Variants in SLC35D2 observed in about 807,000 individuals in gnomAD.
SLC35D2 encodes solute carrier family 35 member D2.
In SLC35D2, 43 loss-of-function variants were observed where a neutral mutation model predicts 41.8. The ratio of observed to expected loss-of-function variants is 1.03; its 90% CI spans 0.81 to 1.33. SLC35D2 has a LOEUF of 1.33. Ranked by LOEUF, SLC35D2 falls within the 40% of genes most tolerant of loss-of-function variation. The probability of loss-of-function intolerance (pLI) is 0.00; values close to 1 mark genes in which losing one functional copy is unlikely to be tolerated. For synonymous variants in SLC35D2, 150 were observed against 163.9 expected (o/e 0.92, Z 0.65); for missense variants, 380 against 408.4 (o/e 0.93, Z 0.60).
exon 12 of SLC35D2, among the ~76,000 whole-genome samples, chr9:96,313,700 T>C (rs1204661212): frequency 6.6e-6 from 1 of 152,230 alleles, no homozygotes; most frequent in East Asian, 1.9e-4. Context: ...AGACCAGACA[T>C]CTTTTTGGGC....
intron 9 of SLC35D2, among the ~76,000 whole-genome samples, chr9:96,331,774 G>A (rs1828821082): frequency 6.6e-6 from 1 of 152,186 alleles, no homozygotes; most frequent in Non-Finnish European, 1.5e-5. Context: ...AGCAAAAGGT[G>A]AGCAAGCATG....
At chr9:96,348,515 G>A (rs996142972) in intron 6 of SLC35D2, among the ~76,000 whole-genome samples, 2 of 152,192 alleles carry the variant, frequency 1.3e-5, no homozygotes, top group African/African-American at 4.8e-5. Flanking sequence ...GTTTGTTACA[G>A]CAGCATCACC....
Position 96,351,169 on chromosome 9 carries a change from T to G in SLC35D2, c.422A>C (p.Lys141Thr), listed in dbSNP as rs754209521. 6.3e-7 allele frequency: 1 copy of G among 1,599,002 alleles called. No individual in the cohort carries two copies. The highest frequency in any genetic ancestry group is 1.1e-5 in the South Asian group (1 of 90,764). ...TLLLETIILG[K>T]QYSLNIILSV... is the part of the protein sequence containing the mutation. ...GAGGATGATGTTGAGTGAATACTGC[T>G]TCCTGTAATAAATACACAAATAAGA... is the stretch of plus-strand genomic sequence containing the variant. Residue 141 changes from lysine (K) to threonine (T), a missense_variant and splice_region_variant, in exon 6 of 12, where the codon AAG becomes ACG. Lys to Thr is a moderately conservative substitution (Grantham distance 78, BLOSUM62 -1). Coordinates refer to ENST00000253270, the MANE Select transcript of SLC35D2 (RefSeq NM_007001.3).
intron 9 of SLC35D2, among the ~76,000 whole-genome samples, chr9:96,328,795 C>T (rs1012462460): frequency 3.3e-5 from 5 of 152,166 alleles, no homozygotes; most frequent in Admixed American, 2.0e-4. Flanking sequence ...TACCCAAGCA[C>T]ATCATTCTCT....
chr9:96,364,032 T>C (rs756516023), intron 3 of SLC35D2, among the ~76,000 whole-genome samples: 53 of 152,208 alleles, frequency 3.5e-4, no homozygotes, highest in Non-Finnish European at 4.6e-4. Context: ...TTAAAGTTTC[T>C]TGGCCAGGCA....
At chr9:96,353,097 A>G (rs955380454) in intron 4 of SLC35D2, among the ~76,000 whole-genome samples, 3 of 152,170 alleles carry the variant, frequency 2.0e-5, no homozygotes, top group African/African-American at 2.4e-5. Flanking sequence ...CAAAAGAAAA[A>G]AAAACCACAT....
chr9:96,319,926 T>C (rs1471269688), downstream of SLC35D2, among the ~76,000 whole-genome samples: 2 of 152,238 alleles, frequency 1.3e-5, no homozygotes, highest in African/African-American at 2.4e-5. Flanking sequence ...ATTAAAATAC[T>C]AGAGGCCACA....
In SLC35D2 at chr9:96,380,733, G is replaced by A. The variant is rs140095212; in HGVS notation, c.158+2744C>T. ...CATGATCTGCCCACCTCAGGCTCCC[G>A]AAGTGCTGGGATTACAGGTGTGAGC... On this transcript the variant is annotated intron_variant, in intron 1 of 11. Coordinates refer to ENST00000253270, the MANE Select transcript of SLC35D2 (RefSeq NM_007001.3). Among the ~76,000 whole-genome samples the A allele has an allele frequency of 2.5e-4, 38 of 151,456 alleles. No homozygotes were observed. In the East Asian group the frequency reaches 5.1e-3, roughly 20 times the overall value.
chr9:96,364,542 G>A lies in SLC35D2; in HGVS notation c.201C>T (p.Ala67=), dbSNP rs752673416. 1 of 1,599,684 alleles carries A rather than the reference G, an allele frequency of 6.3e-7. No homozygotes were observed. Among genetic ancestry groups the A allele is most frequent in the Non-Finnish European group, 8.6e-7 (1 of 1,168,944 alleles). Residue 67 remains alanine, a synonymous_variant, in exon 3 of 12, where the codon GCC becomes GCT. Transcript: ENST00000253270. ...TGGACACATATAGTATCATTATGGT[G>A]GCTGCCATCTGAAGAAAAGGGGAGA... The part of the protein sequence containing the change: ...PIFLGIGQMA[A]TIMILYVSKL...
At chr9:96,380,333 G>A (rs1011723840) in intron 1 of SLC35D2, among the ~76,000 whole-genome samples, 1 of 152,170 alleles carries the variant, frequency 6.6e-6, no homozygotes, top group African/African-American at 2.4e-5. Flanking sequence ...GGTGTTGACT[G>A]CCATGGTCAG....
chr9:96,335,292 T>TG, intron 9 of SLC35D2, among the ~76,000 whole-genome samples: 1 of 152,214 alleles, frequency 6.6e-6, no homozygotes, highest in East Asian at 1.9e-4. Flanking sequence ...GTGTTGCCTC[T>TG]GGGGAAGAAA....
chr9:96,341,112 C>A (rs1157062540), intron 8 of SLC35D2, among the ~76,000 whole-genome samples: 2 of 151,912 alleles, frequency 1.3e-5, no homozygotes, highest in Non-Finnish European at 2.9e-5. Flanking sequence ...CATGGTGAAA[C>A]CCCGTCTCTA....
intron 1 of SLC35D2, 31 bp downstream of exon 1, chr9:96,383,446 G>A: frequency 1.4e-6 from 2 of 1,433,670 alleles, no homozygotes; most frequent in Non-Finnish European, 9.3e-7. Flanking sequence ...CCGCACTCCC[G>A]CAGACCCCCC....
chr9:96,315,973 T>C (rs990371513), downstream of SLC35D2, among the ~76,000 whole-genome samples: 2 of 152,182 alleles, frequency 1.3e-5, no homozygotes, highest in African/African-American at 4.8e-5. Context: ...AAGTAGGGTA[T>C]AAATGGTTTT....
intron 3 of SLC35D2, among the ~76,000 whole-genome samples, chr9:96,362,950 T>C (rs1472627738): frequency 2.7e-5 from 4 of 150,268 alleles, no homozygotes; most frequent in African/African-American, 9.8e-5. Context: ...CACTGCAACC[T>C]CTGCCTCCTG....
downstream of SLC35D2, among the ~76,000 whole-genome samples, chr9:96,318,515 T>G (rs778219778): frequency 5.9e-5 from 9 of 151,912 alleles, no homozygotes; most frequent in Non-Finnish European, 1.2e-4. Context: ...AGTAAAGAAC[T>G]CCTACAACTC....
chr9:96,317,789 C>A (rs1007763532), downstream of SLC35D2, among the ~76,000 whole-genome samples: 6 of 150,708 alleles, frequency 4.0e-5, no homozygotes, highest in African/African-American at 7.3e-5. Flanking sequence ...TCTGGGAGGC[C>A]GAGGAGGGTG....
intron 2 of SLC35D2, among the ~76,000 whole-genome samples, chr9:96,365,986 C>T (rs1830457451): frequency 6.6e-6 from 1 of 152,032 alleles, no homozygotes; most frequent in Non-Finnish European, 1.5e-5. Flanking sequence ...GTACTTACGC[C>T]TCACATTATA....
chr9:96,321,880 AAAC>A (rs1248207621), intron 11 of SLC35D2, 115 bp downstream of exon 11: 8 of 635,198 alleles, frequency 1.3e-5, no homozygotes, highest in Non-Finnish European at 2.0e-5. Flanking sequence ...TAGAATGTCA[AAAC>A]GCCTCCTGGC....
Sources: gnomAD v4.1 joint callset for allele counts (sites outside exome capture counted in the v4.1 genomes callset) on GRCh38, gnomAD v4.1.1 for gene constraint, MANE v1.5 for transcripts, NCBI Gene and HGNC (gene_info 2026-07-23, HGNC 2026-07-21) for gene names.